Variants in RBFOX1 observed in about 807,000 individuals in gnomAD.
The protein encoded by RBFOX1 is RNA binding fox-1 homolog 1, also known as RNA binding protein fox-1 homolog 1.
RBFOX1 carries 8 observed loss-of-function variants against 57.7 expected under a neutral mutation model. That is an observed-to-expected ratio of 0.14 (90% CI 0.08 to 0.25). The LOEUF is 0.25. Among genes scored for constraint, RBFOX1 ranks in the 10% least tolerant of loss-of-function variants. The pLI, the probability that RBFOX1 is intolerant of heterozygous loss-of-function variation, is 1.00. For missense variants in RBFOX1, 611 were observed against 548.5 expected (o/e 1.11, Z -1.14); for synonymous variants, 326 against 222.4 (o/e 1.47, Z -4.15).
At chr16:6,679,469 C>G (rs1024473014) in intron 3 of RBFOX1, among the ~76,000 whole-genome samples, 1 of 152,078 alleles carries the variant, frequency 6.6e-6, no homozygotes, top group African/African-American at 2.4e-5. Flanking sequence ...CTTTCTTTGA[C>G]CTGGGAAGTT....
intron 1 of RBFOX1, among the ~76,000 whole-genome samples, chr16:6,161,018 T>C (rs767638230): frequency 1.3e-5 from 2 of 152,184 alleles, no homozygotes; most frequent in Non-Finnish European, 2.9e-5. Context: ...ATGAGCACAG[T>C]GGTGTTTCCC....
chr16:6,004,395 T>C (rs2060656934), intron 4 of RBFOX1, among the ~76,000 whole-genome samples: 2 of 152,164 alleles, frequency 1.3e-5, no homozygotes, highest in African/African-American at 4.8e-5. Context: ...GTTTACATAG[T>C]TAATATTTGT....
intron 3 of RBFOX1, among the ~76,000 whole-genome samples, chr16:6,932,278 T>G (rs2076686335): frequency 6.6e-6 from 1 of 152,068 alleles, no homozygotes; most frequent in Non-Finnish European, 1.5e-5. Context: ...TAATTTTTTT[T>G]GAATTTTCAG....
In RBFOX1 at chr16:7,264,853, T is replaced by A. The variant is rs148787472; in HGVS notation, c.27+212755T>A. On this transcript the variant is annotated intron_variant, in intron 4 of 15. Coordinates refer to ENST00000550418, the MANE Select transcript of RBFOX1 (RefSeq NM_018723.4). Reference sequence around the variant, plus strand: ...AGGGTAAAAAGTTGATGAGAAAGCATAGAAAAAAATTGATACATGACTATT... The same window carrying A: ...AGGGTAAAAAGTTGATGAGAAAGCAAAGAAAAAAATTGATACATGACTATT... 2.0e-4 allele frequency among the ~76,000 whole-genome samples: 31 copies of A among 152,260 alleles called. 1 individual carries two copies. The East Asian group carries it at 5.8e-3, about 29-fold the overall frequency.
chr16:6,881,371 C>T (rs375559285), intron 3 of RBFOX1, among the ~76,000 whole-genome samples: 6 of 152,282 alleles, frequency 3.9e-5, no homozygotes, highest in African/African-American at 1.4e-4. Context: ...CAAACAGTTA[C>T]TCTCACAGTT....
chr16:7,445,497 T>G (rs2098800922), intron 4 of RBFOX1, among the ~76,000 whole-genome samples: 1 of 152,178 alleles, frequency 6.6e-6, no homozygotes, highest in Non-Finnish European at 1.5e-5. Context: ...CTTCTCAAAA[T>G]GCACTTGATA....
At chr16:6,993,994 AG>A (rs773758048) in intron 3 of RBFOX1, among the ~76,000 whole-genome samples, 1 of 152,166 alleles carries the variant, frequency 6.6e-6, no homozygotes, top group South Asian at 2.1e-4. Flanking sequence ...TGGCTTTAGA[AG>A]AAGTATGTGG....
chr16:7,291,071 A>G (rs889421066), intron 4 of RBFOX1, among the ~76,000 whole-genome samples: 1 of 152,212 alleles, frequency 6.6e-6, no homozygotes, highest in Non-Finnish European at 1.5e-5. Flanking sequence ...AAGAGCATAT[A>G]TTTGGAGATG....
chr16:6,976,872 G>A (rs1455901779), intron 3 of RBFOX1, among the ~76,000 whole-genome samples: 1 of 6,642 alleles, frequency 1.5e-4, no homozygotes, highest in African/African-American at 2.0e-3. Flanking sequence ...TATCACATAT[G>A]TCATATCCAT....
chr16:6,950,882 T>C (rs1196713440), intron 3 of RBFOX1, among the ~76,000 whole-genome samples: 1 of 150,360 alleles, frequency 6.7e-6, no homozygotes, highest in Admixed American at 6.7e-5. Context: ...TTTCTCTCTT[T>C]CTGTTTCTTT....
chr16:7,394,297 A>T (rs2098103367), intron 4 of RBFOX1, among the ~76,000 whole-genome samples: 1 of 150,684 alleles, frequency 6.6e-6, no homozygotes, highest in South Asian at 2.1e-4. Context: ...TCATAGAATG[A>T]GAAAAAAATC....
chr16:7,296,912 T>G (rs1461355856), intron 4 of RBFOX1, among the ~76,000 whole-genome samples: 3 of 152,190 alleles, frequency 2.0e-5, no homozygotes, highest in Admixed American at 6.5e-5. Flanking sequence ...TGTTTCTGTT[T>G]ACCCTCAAAA....
At chr16:5,822,682 A>G (rs1326582842) in intron 3 of RBFOX1, among the ~76,000 whole-genome samples, 1 of 152,184 alleles carries the variant, frequency 6.6e-6, no homozygotes, top group Non-Finnish European at 1.5e-5. Context: ...TGTCTGTGGA[A>G]TTATGTCTTC....
intron 4 of RBFOX1, among the ~76,000 whole-genome samples, chr16:5,911,964 G>A (rs917810491): frequency 9.2e-5 from 14 of 152,236 alleles, no homozygotes; most frequent in African/African-American, 3.1e-4. Context: ...GACCTTAGTA[G>A]GCACCTTCAC....
rs114585907 is a variant in RBFOX1 at position 5,568,385 on chromosome 16, A to T, written c.259-30517A>T. 6.6e-3 allele frequency among the ~76,000 whole-genome samples: 1,007 copies of T among 152,186 alleles called. 14 individuals carry two copies. The highest frequency in any genetic ancestry group is 0.023 in the African/African-American group (950 of 41,508). ...CCCTCCTTGCTTAATACCTGATGGG[A>T]TGTCTATAATTGGACATCGTATAAT... On this transcript the variant is annotated intron_variant, in intron 2 of 2. Transcript: ENST00000585867.
chr16:5,570,850 A>AAAT (rs2046258074), intron 2 of RBFOX1, among the ~76,000 whole-genome samples: 1 of 151,682 alleles, frequency 6.6e-6, no homozygotes, highest in African/African-American at 2.4e-5. Context: ...AAAAAAAAAA[A>AAAT]AAATAAAGCA....
At chr16:6,957,422 T>G (rs184907142) in intron 3 of RBFOX1, among the ~76,000 whole-genome samples, 1 of 151,844 alleles carries the variant, frequency 6.6e-6, no homozygotes, top group East Asian at 1.9e-4. Context: ...TTCTTCATGA[T>G]ATGCTAAACA....
At chr16:5,848,296 C>G (rs2056807040) in intron 3 of RBFOX1, among the ~76,000 whole-genome samples, 3 of 152,204 alleles carry the variant, frequency 2.0e-5, no homozygotes, top group Admixed American at 6.5e-5. Context: ...CCAGTGGACT[C>G]TATCCCCTAT....
intron 4 of RBFOX1, among the ~76,000 whole-genome samples, chr16:7,365,382 ACCATAG>A (rs1341982006): frequency 2.0e-5 from 3 of 152,132 alleles, no homozygotes; most frequent in African/African-American, 7.2e-5. Flanking sequence ...CATCCACCAA[ACCATAG>A]CCATAGCCAG....
Sources: allele counts gnomAD v4.1 joint callset (sites outside exome capture counted in the v4.1 genomes callset), GRCh38; gene constraint gnomAD v4.1.1; transcripts MANE v1.5; gene names NCBI Gene and HGNC (gene_info 2026-07-23, HGNC 2026-07-21).